SIGLEC5: variants seen among roughly 807,000 people sequenced by gnomAD.
The protein encoded by SIGLEC5 is sialic acid-binding Ig-like lectin 5.
SIGLEC5 carries 34 observed loss-of-function variants against 45.9 expected under a neutral mutation model. That is an observed-to-expected ratio of 0.74 (90% CI 0.56 to 0.99). The LOEUF is 0.99. Among genes scored for constraint, SIGLEC5 ranks in the 50% least tolerant of loss-of-function variants. The pLI is 0.00. For missense variants in SIGLEC5, 508 were observed against 629.6 expected, an observed-to-expected ratio of 0.81 and a Z score of 2.07; for synonymous variants, 203 against 258.6, an observed-to-expected ratio of 0.79 and a Z score of 2.06.
intron 8 of SIGLEC5, among the ~76,000 whole-genome samples, chr19:51,618,508 T>G (rs567614500): frequency 7.0e-6 from 1 of 142,332 alleles, no homozygotes; most frequent in South Asian, 2.3e-4. Context: ...AGCATCATTA[T>G]GAGCCGGGCA....
intron 8 of SIGLEC5, among the ~76,000 whole-genome samples, chr19:51,623,738 C>T (rs1399144396): frequency 2.0e-5 from 3 of 152,144 alleles, no homozygotes; most frequent in Non-Finnish European, 4.4e-5. Flanking sequence ...CATTCACATG[C>T]CCAGCGATGC....
rs3829657 is a variant in SIGLEC5 at position 51,611,955 on chromosome 19, T to A, written c.*276A>T. ...GTTGATTTCCATGTGTTGATTTCTT[T>A]AATGTTCACAACAACCTTTGAGGTA... On this transcript the variant is annotated 3_prime_UTR_variant, in exon 9 of 9. Transcript: ENST00000683636. The A allele has an allele frequency of 0.087, 19,182 of 221,322 alleles. 1,075 individuals carry two copies. The highest frequency in any genetic ancestry group is 0.17 in the African/African-American group (7,416 of 43,788). The allele number at this position is 221,322 out of a possible 1,614,324, so 13.7% of individuals were successfully genotyped here.
At chr19:51,616,717 G>A (rs547090040) in intron 8 of SIGLEC5, among the ~76,000 whole-genome samples, 23 of 151,972 alleles carry the variant, frequency 1.5e-4, no homozygotes, top group Admixed American at 1.3e-3. Context: ...TTCAAGATCA[G>A]CTTGGCCGAC....
Position 51,628,046 on chromosome 19 carries a change from C to A in SIGLEC5, c.785G>T (p.Gly262Val). 1.3e-6 allele frequency: 2 copies of A among 1,584,816 alleles called. No individual in the cohort carries two copies. The highest frequency in any genetic ancestry group is 1.1e-5 in the South Asian group (1 of 87,412). The change falls in exon 5 of 9, where the codon GGC becomes GTC. Residue 262 changes from glycine (G) to valine (V), a missense_variant. Around this residue, in one of 2 missense-constraint regions of SIGLEC5, gnomAD observed 431 missense variants for 428.8 expected, o/e 1.01. Coordinates refer to ENST00000683636, the MANE Select transcript of SIGLEC5 (RefSeq NM_003830.4). ...ATCACAGAGCAGCCGCAGAGCCTGG[C>A]CCTCCAGGACCGGAAGGTATGAGGT... ...QNTSYLPVLEGQALRLLCDAP... is the reference protein window; with the variant it reads ...QNTSYLPVLEVQALRLLCDAP...
rs1373773460 is a variant in SIGLEC5, at chr19:51,627,457, C to T, written c.1282+5G>A. ...GCCCCTGCCCTCTGCAATACGCCCC[C>T]TGACCTTGCAGCAGCAGGACAGAGC... is the stretch of plus-strand genomic sequence containing the variant. On this transcript the variant is annotated splice_donor_5th_base_variant and intron_variant, in intron 6 of 8. Coordinates refer to ENST00000683636, the MANE Select transcript of SIGLEC5 (RefSeq NM_003830.4). 1 of 1,610,046 alleles carries T rather than the reference C, an allele frequency of 6.2e-7. No homozygotes were observed. The highest frequency in any genetic ancestry group is 1.7e-5 in the Admixed American group (1 of 59,800).
chr19:51,612,499 T>A, intron 8 of SIGLEC5, 77 bp from the exon 9 acceptor site: 1 of 1,067,236 alleles, frequency 9.4e-7, no homozygotes, highest in Admixed American at 2.6e-5. Flanking sequence ...TATATTTATA[T>A]GTTGCCTTGG....
At chr19:51,628,794 ATG>A (rs926637689) in intron 4 of SIGLEC5, among the ~76,000 whole-genome samples, 3 of 111,664 alleles carry the variant, frequency 2.7e-5, no homozygotes, top group African/African-American at 1.1e-4. Context: ...TTGCATGTGT[ATG>A]TGTGTGGTGT....
At chr19:51,618,413 C>G (rs1983144429) in intron 8 of SIGLEC5, among the ~76,000 whole-genome samples, 1 of 140,542 alleles carries the variant, frequency 7.1e-6, no homozygotes, top group Non-Finnish European at 1.5e-5. Context: ...CCGCTTCATT[C>G]CAGCCCGCAT....
intron 8 of SIGLEC5, among the ~76,000 whole-genome samples, chr19:51,619,358 G>A (rs748679682): frequency 5.3e-5 from 8 of 152,154 alleles, no homozygotes; most frequent in Admixed American, 1.3e-4. Context: ...GGGATTACAG[G>A]TATGAGCCAC....
Position 51,627,671 on chromosome 19 carries a change from CG to C in SIGLEC5, c.1072del (p.Arg358GlyfsTer39). On this transcript the variant is annotated frameshift_variant, in exon 6 of 9. Transcript: ENST00000683636. LOFTEE classifies it high-confidence loss of function. ...GLHCRCSFRA[R>X]PAPSLCWRLE... ...CCGCCAGCACAGGGAGGGGGCCGGC[CG>C]GGCTCGAAAGGAGCATCTGCAGTGC... 1 of 1,610,560 alleles carries C rather than the reference CG, an allele frequency of 6.2e-7. No homozygotes were observed. Among genetic ancestry groups the C allele is most frequent in the Middle Eastern group, 1.8e-4 (1 of 5,674 alleles).
intron 6 of SIGLEC5, 99 bp downstream of exon 6, chr19:51,627,363 C>G: frequency 6.5e-7 from 1 of 1,539,838 alleles, no homozygotes; most frequent in Non-Finnish European, 8.8e-7. Context: ...AGAACCCTGT[C>G]TCCCCACCAC....
At chr19:51,625,933 C>A (rs2122633046) in intron 8 of SIGLEC5, 99 bp downstream of exon 8, 1 of 871,930 alleles carries the variant, frequency 1.1e-6, no homozygotes, top group Non-Finnish European at 1.9e-6. Context: ...AAGAGAACTC[C>A]CAGGTGATGA....
rs200802674 is a variant in SIGLEC5 at position 51,627,982 on chromosome 19, C to T, written c.849G>A (p.Gln283=). The change falls in exon 5 of 9, where the codon CAG becomes CAA. Residue 283 remains glutamine, a synonymous_variant. Coordinates refer to ENST00000683636, the MANE Select transcript of SIGLEC5 (RefSeq NM_003830.4). ...GGGTGGCGTTCAGGGCAGGGGAGCCCTGGAACCAGCTCAGGTGTGCAGGGG... is the reference window on the plus strand; with the variant it reads ...GGGTGGCGTTCAGGGCAGGGGAGCCTTGGAACCAGCTCAGGTGTGCAGGGG... ...SNPPAHLSWF[Q]GSPALNATPI... is the part of the protein sequence containing the mutation. The T allele has an allele frequency of 1.6e-4, 262 of 1,613,548 alleles. No individual in the cohort carries two copies. Among genetic ancestry groups the T allele is most frequent in the South Asian group, 9.3e-4 (85 of 90,998 alleles).
rs1459508839 is a variant in SIGLEC5, at chr19:51,627,659, G to A, written c.1085C>T (p.Ser362Phe). ...RCSFRARPAPSLCWRLEEKPL... is the reference protein window; with the variant it reads ...RCSFRARPAPFLCWRLEEKPL... The stretch of plus-strand genomic sequence containing the variant: ...CTTCTCCTCAAGCCGCCAGCACAGG[G>A]AGGGGGCCGGCCGGGCTCGAAAGGA... Residue 362 changes from serine (S) to phenylalanine (F), a missense_variant, in exon 6 of 9, where the codon TCC (serine) becomes TTC (phenylalanine). Coordinates refer to ENST00000683636, the MANE Select transcript of SIGLEC5 (RefSeq NM_003830.4). The A allele has an allele frequency of 6.2e-7, 1 of 1,611,662 alleles. No homozygotes were observed. Among genetic ancestry groups the A allele is most frequent in the Non-Finnish European group, 8.5e-7 (1 of 1,179,366 alleles).
chr19:51,618,052 C>T (rs1318769088), intron 8 of SIGLEC5, among the ~76,000 whole-genome samples: 1 of 150,138 alleles, frequency 6.7e-6, no homozygotes, highest in Non-Finnish European at 1.5e-5. Context: ...CCTACCTCAC[C>T]CTCCCAAGTA....
chr19:51,627,848 T>TTA lies in SIGLEC5; in HGVS notation c.982_983insTA (p.Asn328IlefsTer70). ...CCCACACTCACAGTAAACTGAGAGA[T>TTA]TCAGAAAAATTTGCAGGAAGCCCAG... On this transcript the variant is annotated frameshift_variant, in exon 5 of 9. Coordinates refer to ENST00000683636, the MANE Select transcript of SIGLEC5 (RefSeq NM_003830.4). LOFTEE classifies it high-confidence loss of function. 6.2e-7 allele frequency: 1 copy of TTA among 1,605,512 alleles called. No individual in the cohort carries two copies. Among genetic ancestry groups the TTA allele is most frequent in the Non-Finnish European group, 8.5e-7 (1 of 1,175,566 alleles).
In SIGLEC5 at chr19:51,629,357, C is replaced by T. The variant is rs753608571; in HGVS notation, c.700+1G>A. On this transcript the variant is annotated splice_donor_variant, in intron 3 of 8. Transcript: ENST00000683636. LOFTEE classifies it high-confidence loss of function. ...TCAGCTGTGTCCCCAGCACCACTCA[C>T]AGGAGACATTGAGCTGGACAGTTCT... 28 of 1,613,934 alleles carry T rather than the reference C, an allele frequency of 1.7e-5. No individual in the cohort carries two copies. Among genetic ancestry groups the T allele is most frequent in the East Asian group, 4.5e-5 (2 of 44,894 alleles).
intron 8 of SIGLEC5, among the ~76,000 whole-genome samples, chr19:51,622,330 G>A (rs1239221405): frequency 5.3e-5 from 8 of 151,124 alleles, no homozygotes; most frequent in East Asian, 1.9e-4. Flanking sequence ...TAGTAAAGAC[G>A]GGGTTTCACC....
chr19:51,624,266 T>G (rs1983397080), intron 8 of SIGLEC5, among the ~76,000 whole-genome samples: 1 of 152,152 alleles, frequency 6.6e-6, no homozygotes. Context: ...CCAAGAAGTG[T>G]GCGTGGAACA....
Sources: gnomAD v4.1 joint callset for allele counts (sites outside exome capture counted in the v4.1 genomes callset) on GRCh38, gnomAD v4.1.1 for gene constraint, gnomAD v4.1.1 regional missense constraint, MANE v1.5 for transcripts, NCBI Gene and HGNC (gene_info 2026-07-23, HGNC 2026-07-21) for gene names.